Variants in CCDC71L observed in about 807,000 individuals in gnomAD.
The protein encoded by CCDC71L is coiled-coil domain containing 71 like.
CCDC71L carries 6 observed loss-of-function variants against 10.2 expected under a neutral mutation model. The ratio of observed to expected loss-of-function variants is 0.59; its 90% confidence interval spans 0.32 to 1.16. CCDC71L has a LOEUF of 1.16. CCDC71L is among the 50% of genes most tolerant of loss of function. CCDC71L has a pLI of 0.05. For synonymous variants in CCDC71L, 204 were observed against 175.5 expected (o/e 1.16, Z -1.28); for missense variants, 366 against 383.4 (o/e 0.95, Z 0.38).
chr7:106,660,084 G>C lies in CCDC71L; in HGVS notation c.*105C>G, dbSNP rs1157611298. On this transcript the variant is annotated 3_prime_UTR_variant, in exon 1 of 1. Coordinates refer to ENST00000523505, the MANE Select transcript of CCDC71L (RefSeq NM_175884.6). This position sits in a 1 kb window ranked among gnomAD's most constrained non-coding sequence, Gnocchi z 7.5. ...CGCGTAAAGTGCATTGGGGGCCGGG[G>C]TCCTGGCCGGATCTGTAAACACTCG... The C allele has an allele frequency of 2.2e-6, 3 of 1,340,576 alleles. No homozygotes were observed. In the African/African-American group the frequency reaches 4.6e-5, roughly 21 times the overall value. The allele number at this position is 1,340,576 out of a possible 1,614,324, so 83.0% of individuals were successfully genotyped here.
chr7:106,661,049 C>T lies in CCDC71L; in HGVS notation c.-153G>A, dbSNP rs1279661425. 5 of 1,146,670 alleles carry T rather than the reference C, an allele frequency of 4.4e-6. No individual in the cohort carries two copies. Among genetic ancestry groups the T allele is most frequent in the African/African-American group, 1.6e-5 (1 of 61,348 alleles). 71.0% of individuals were successfully genotyped at this position (1,146,670 alleles called of 1,614,324 possible). A position where few individuals can be genotyped will look rare whatever the true frequency, so the allele number is the denominator to read the frequency against. On this transcript the variant is annotated 5_prime_UTR_variant, in exon 1 of 1. Coordinates refer to ENST00000523505, the MANE Select transcript of CCDC71L (RefSeq NM_175884.6). Reference sequence around the variant, plus strand: ...CCCCTCCCCCTCCGAGGGCGGAGGACGCGGGCGAATATCCTGCTGCCCGGT... The same window carrying T: ...CCCCTCCCCCTCCGAGGGCGGAGGATGCGGGCGAATATCCTGCTGCCCGGT...
rs117129905 is a variant in CCDC71L, at chr7:106,656,247, T to A, written c.*3942A>T. Reference sequence around the variant, plus strand: ...TAGGAACTTAGGTACAAAGACAAATTCAGCCCACACAGTACTATCTATGAA... The same window carrying A: ...TAGGAACTTAGGTACAAAGACAAATACAGCCCACACAGTACTATCTATGAA... On this transcript the variant is annotated 3_prime_UTR_variant, in exon 1 of 1. Coordinates refer to ENST00000523505, the MANE Select transcript of CCDC71L (RefSeq NM_175884.6). Among the ~76,000 whole-genome samples, 105 of 152,266 alleles carry A rather than the reference T, an allele frequency of 6.9e-4. No homozygotes were observed. Among genetic ancestry groups the A allele is most frequent in the Non-Finnish European group, 1.2e-3 (83 of 68,006 alleles).
chr7:106,660,082 G>A lies in CCDC71L; in HGVS notation c.*107C>T. On this transcript the variant is annotated 3_prime_UTR_variant, in exon 1 of 1. Transcript: ENST00000523505. This position sits in a 1 kb window ranked among gnomAD's most constrained non-coding sequence, Gnocchi z 7.5. ...CGCGCGTAAAGTGCATTGGGGGCCGGGGTCCTGGCCGGATCTGTAAACACT... is the reference window on the plus strand; with the variant it reads ...CGCGCGTAAAGTGCATTGGGGGCCGAGGTCCTGGCCGGATCTGTAAACACT... 1.5e-6 allele frequency: 2 copies of A among 1,329,206 alleles called. No individual in the cohort carries two copies. Among genetic ancestry groups the A allele is most frequent in the Non-Finnish European group, 1.9e-6 (2 of 1,030,192 alleles). The allele number at this position is 1,329,206 out of a possible 1,614,324, so 82.3% of individuals were successfully genotyped here.
rs1262278342 is a variant in CCDC71L, at chr7:106,656,884, A to T, written c.*3305T>A. 6.6e-6 allele frequency: 1 copy of T among 152,210 alleles called. No individual in the cohort carries two copies. The allele number at this position is 152,210 out of a possible 1,614,324, so 9.4% of individuals were successfully genotyped here. ...GGGAAACACTTTGATTCCATTACAA[A>T]CAATTGTTTTCTAATGCGCTTAAGA... On this transcript the variant is annotated 3_prime_UTR_variant, in exon 1 of 1. Transcript: ENST00000523505.
chr7:106,658,860 A>C lies in CCDC71L; in HGVS notation c.*1329T>G, dbSNP rs1562907955. On this transcript the variant is annotated 3_prime_UTR_variant, in exon 1 of 1. Coordinates refer to ENST00000523505, the MANE Select transcript of CCDC71L (RefSeq NM_175884.6). Reference sequence around the variant, plus strand: ...GGTCTTCAGCTGTCAAAGACCTAGAACTGCAAACATATAATGAGTGGCAAA... The same window carrying C: ...GGTCTTCAGCTGTCAAAGACCTAGACCTGCAAACATATAATGAGTGGCAAA... 6.6e-6 allele frequency: 1 copy of C among 152,592 alleles called. No homozygotes were observed. The highest frequency in any genetic ancestry group is 2.4e-5 in the African/African-American group (1 of 41,422). The allele number at this position is 152,592 out of a possible 1,614,324, so 9.5% of individuals were successfully genotyped here. A position where few individuals can be genotyped will look rare whatever the true frequency, so the allele number is the denominator to read the frequency against.
Position 106,654,811 on chromosome 7 carries a change from C to T in CCDC71L, c.*5378G>A, listed in dbSNP as rs1792464589. The stretch of plus-strand genomic sequence containing the variant: ...TGTACTTTTTATACATTTGTTTTTG[C>T]TTCAATAATTTTTTTACTCTGTAAG... On this transcript the variant is annotated 3_prime_UTR_variant, in exon 1 of 1. Coordinates refer to ENST00000523505, the MANE Select transcript of CCDC71L (RefSeq NM_175884.6). Among the ~76,000 whole-genome samples, 1 of 151,536 alleles carries T rather than the reference C, an allele frequency of 6.6e-6. No homozygotes were observed. Among genetic ancestry groups the T allele is most frequent in the South Asian group, 2.1e-4 (1 of 4,804 alleles).
chr7:106,660,251 C>A lies in CCDC71L; in HGVS notation c.646G>T (p.Val216Phe), dbSNP rs765941322. The A allele has an allele frequency of 6.4e-7, 1 of 1,574,506 alleles. No homozygotes were observed. The stretch of plus-strand genomic sequence containing the variant: ...ATGGGTTCCAGGTTCACTCGCAGGA[C>A]CTGGCGCGCCCTGCGCCGCGCTGCC... ...LAAARRRARQ[V>F]LRVNLEPMVR... Residue 216 changes from valine (V) to phenylalanine (F), a missense_variant, in exon 1 of 1, where the codon GTC (valine) becomes TTC (phenylalanine). Coordinates refer to ENST00000523505, the MANE Select transcript of CCDC71L (RefSeq NM_175884.6). The surrounding 1 kb of genome is among the most constrained non-coding windows in gnomAD (Gnocchi z 7.5).
Position 106,656,901 on chromosome 7 carries a change from C to T in CCDC71L, c.*3288G>A, listed in dbSNP as rs1224782571. 2.0e-5 allele frequency: 3 copies of T among 152,124 alleles called. No individual in the cohort carries two copies. The highest frequency in any genetic ancestry group is 4.4e-5 in the Non-Finnish European group (3 of 68,018). The allele number at this position is 152,124 out of a possible 1,614,324, so 9.4% of individuals were successfully genotyped here. A position where few individuals can be genotyped will look rare whatever the true frequency, so the allele number is the denominator to read the frequency against. ...CATTACAAACAATTGTTTTCTAATG[C>T]GCTTAAGACATAACACTCTATCAAA... On this transcript the variant is annotated 3_prime_UTR_variant, in exon 1 of 1. Coordinates refer to ENST00000523505, the MANE Select transcript of CCDC71L (RefSeq NM_175884.6).
At position 106,660,923 on chromosome 7, in the gene CCDC71L, T is replaced by C; in HGVS notation, c.-27A>G. ...GAAGGCCGCTCCGGGCCACTCACGC[T>C]CGCCGGGTCCCACTACTGCCGCCGC... On this transcript the variant is annotated 5_prime_UTR_variant, in exon 1 of 1. Coordinates refer to ENST00000523505, the MANE Select transcript of CCDC71L (RefSeq NM_175884.6). The surrounding 1 kb of genome is among the most constrained non-coding windows in gnomAD (Gnocchi z 7.5). 2 of 1,337,358 alleles carry C rather than the reference T, an allele frequency of 1.5e-6. No individual in the cohort carries two copies. Among genetic ancestry groups the C allele is most frequent in the Non-Finnish European group, 1.9e-6 (2 of 1,046,762 alleles). 82.8% of individuals were successfully genotyped at this position (1,337,358 alleles called of 1,614,324 possible).
In CCDC71L at chr7:106,660,526, G is replaced by A. The variant is rs1339754893; in HGVS notation, c.371C>T (p.Pro124Leu). The stretch of plus-strand genomic sequence containing the variant: ...CCTCCTGGCCGCTGCGCGCGGAACC[G>A]GCCGGCGCGCCTGGCCGCGGGCTGT... ...PPTARGQARR[P>L]VPRAAARRRR... Residue 124 changes from proline (P) to leucine (L), a missense_variant, in exon 1 of 1, where the codon CCG becomes CTG. Physicochemically the swap from Pro to Leu is moderately conservative, Grantham distance 98. Transcript: ENST00000523505. This position sits in a 1 kb window ranked among gnomAD's most constrained non-coding sequence, Gnocchi z 7.5. 5.5e-6 allele frequency: 8 copies of A among 1,450,306 alleles called. No homozygotes were observed. Among genetic ancestry groups the A allele is most frequent in the Non-Finnish European group, 7.3e-6 (8 of 1,097,178 alleles). The allele number at this position is 1,450,306 out of a possible 1,614,324, so 89.8% of individuals were successfully genotyped here. A position where few individuals can be genotyped will look rare whatever the true frequency, so the allele number is the denominator to read the frequency against.
In CCDC71L at chr7:106,655,687, TAG is replaced by T. The variant is rs1026235368; in HGVS notation, c.*4500_*4501del. On this transcript the variant is annotated 3_prime_UTR_variant, in exon 1 of 1. Transcript: ENST00000523505. Reference sequence around the variant, plus strand: ...CATAACAGTACATTCAAATGTCTTATAGAGATATAACAAAAGAAGATGTGAAT... The same window carrying T: ...CATAACAGTACATTCAAATGTCTTATAGATATAACAAAAGAAGATGTGAAT... 2.0e-5 allele frequency among the ~76,000 whole-genome samples: 3 copies of T among 152,032 alleles called. No individual in the cohort carries two copies. Among genetic ancestry groups the T allele is most frequent in the African/African-American group, 7.3e-5 (3 of 41,304 alleles).
Position 106,659,022 on chromosome 7 carries a change from C to T in CCDC71L, c.*1167G>A, listed in dbSNP as rs1792539711. 1 of 152,046 alleles carries T rather than the reference C, an allele frequency of 6.6e-6. No homozygotes were observed. Among genetic ancestry groups the T allele is most frequent in the Non-Finnish European group, 1.5e-5 (1 of 68,006 alleles). The allele number at this position is 152,046 out of a possible 1,614,324, so 9.4% of individuals were successfully genotyped here. On this transcript the variant is annotated 3_prime_UTR_variant, in exon 1 of 1. Transcript: ENST00000523505. ...AAAACAAAAAGGAAATAGATTTCGC[C>T]CAAAGTAACCTTAACCAGTTATTTG...
In CCDC71L at chr7:106,659,354, C is replaced by T. The variant is rs1165750226; in HGVS notation, c.*835G>A. ...AATTTATTCATTTTTTTTAATCACA[C>T]ACCATATGGTTTCAATGCATTTTTT... On this transcript the variant is annotated 3_prime_UTR_variant, in exon 1 of 1. Coordinates refer to ENST00000523505, the MANE Select transcript of CCDC71L (RefSeq NM_175884.6). 5 of 152,490 alleles carry T rather than the reference C, an allele frequency of 3.3e-5. No individual in the cohort carries two copies. The highest frequency in any genetic ancestry group is 2.1e-4 in the South Asian group (1 of 4,836). 9.4% of individuals were successfully genotyped at this position (152,490 alleles called of 1,614,324 possible).
rs1440534319 is a variant in CCDC71L at position 106,657,185 on chromosome 7, C to T, written c.*3004G>A. On this transcript the variant is annotated 3_prime_UTR_variant, in exon 1 of 1. Coordinates refer to ENST00000523505, the MANE Select transcript of CCDC71L (RefSeq NM_175884.6). ...TTCAAACTTGAATAAAATAAACACA[C>T]ATCACAACAGCGACACTTTGCACTA... 1 of 152,156 alleles carries T rather than the reference C, an allele frequency of 6.6e-6. No individual in the cohort carries two copies. The highest frequency in any genetic ancestry group is 2.4e-5 in the African/African-American group (1 of 41,446). The allele number at this position is 152,156 out of a possible 1,614,324, so 9.4% of individuals were successfully genotyped here.
In CCDC71L at chr7:106,659,997, C is replaced by T. The variant is rs934481756; in HGVS notation, c.*192G>A. 49 of 767,384 alleles carry T rather than the reference C, an allele frequency of 6.4e-5. No individual in the cohort carries two copies. The highest frequency in any genetic ancestry group is 8.6e-5 in the Non-Finnish European group (45 of 521,404). The allele number at this position is 767,384 out of a possible 1,614,324, so 47.5% of individuals were successfully genotyped here. A position where few individuals can be genotyped will look rare whatever the true frequency, so the allele number is the denominator to read the frequency against. On this transcript the variant is annotated 3_prime_UTR_variant, in exon 1 of 1. Coordinates refer to ENST00000523505, the MANE Select transcript of CCDC71L (RefSeq NM_175884.6). Reference sequence around the variant, plus strand: ...GGAGGCAGCAGAGGGCACACCTGCCCCAGCGTCCAAGACGACCGCGCCGCG... The same window carrying T: ...GGAGGCAGCAGAGGGCACACCTGCCTCAGCGTCCAAGACGACCGCGCCGCG...
In CCDC71L at chr7:106,660,543, G is replaced by A. The variant is rs777559266; in HGVS notation, c.354C>T (p.Arg118=). The change falls in exon 1 of 1, where the codon CGC becomes CGT. Residue 118 remains arginine, a synonymous_variant. Transcript: ENST00000523505. The surrounding 1 kb of genome is among the most constrained non-coding windows in gnomAD (Gnocchi z 7.5). The part of the protein sequence containing the change: ...VPDPPGPPTA[R]GQARRPVPRA... ...GCGGAACCGGCCGGCGCGCCTGGCC[G>A]CGGGCTGTAGGGGGCCCCGGGGGGT... The A allele has an allele frequency of 2.0e-6, 3 of 1,481,102 alleles. No individual in the cohort carries two copies. The highest frequency in any genetic ancestry group is 2.9e-5 in the East Asian group (1 of 34,036). 91.7% of individuals were successfully genotyped at this position (1,481,102 alleles called of 1,614,324 possible).
chr7:106,660,420 C>G lies in CCDC71L; in HGVS notation c.477G>C (p.Glu159Asp). Residue 159 changes from glutamate (E) to aspartate (D), a missense_variant, in exon 1 of 1, where the codon GAG (glutamate) becomes GAC (aspartate). By Grantham distance (45) the Glu-to-Asp change is conservative. Coordinates refer to ENST00000523505, the MANE Select transcript of CCDC71L (RefSeq NM_175884.6). The surrounding 1 kb of genome is among the most constrained non-coding windows in gnomAD (Gnocchi z 7.5). ...PPPPPPPPPE[E>D]SCPAKPVAPG... Reference sequence around the variant, plus strand: ...GGGCCACGGGCTTGGCCGGGCAGCTCTCCTCGGGGGGCGGCGGCGGTGGGG... The same window carrying G: ...GGGCCACGGGCTTGGCCGGGCAGCTGTCCTCGGGGGGCGGCGGCGGTGGGG... The G allele has an allele frequency of 1.6e-6, 2 of 1,253,576 alleles. No homozygotes were observed. Among genetic ancestry groups the G allele is most frequent in the Non-Finnish European group, 2.0e-6 (2 of 1,000,368 alleles). 77.7% of individuals were successfully genotyped at this position (1,253,576 alleles called of 1,614,324 possible). A position where few individuals can be genotyped will look rare whatever the true frequency, so the allele number is the denominator to read the frequency against.
Position 106,660,050 on chromosome 7 carries a change from ACTT to A in CCDC71L, c.*136_*138del. The A allele has an allele frequency of 8.4e-7, 1 of 1,191,862 alleles. No homozygotes were observed. Among genetic ancestry groups the A allele is most frequent in the South Asian group, 1.8e-5 (1 of 55,314 alleles). The allele number at this position is 1,191,862 out of a possible 1,614,324, so 73.8% of individuals were successfully genotyped here. A position where few individuals can be genotyped will look rare whatever the true frequency, so the allele number is the denominator to read the frequency against. ...CCGGGACAGGGACAACCATCCGGCA[ACTT>A]CTTCGCGCGTAAAGTGCATTGGGGG... is the stretch of plus-strand genomic sequence containing the variant. On this transcript the variant is annotated 3_prime_UTR_variant, in exon 1 of 1. Transcript: ENST00000523505. The surrounding 1 kb of genome is among the most constrained non-coding windows in gnomAD (Gnocchi z 7.5).
rs1052237789 is a variant in CCDC71L, at chr7:106,660,970, CGCG to C, written c.-77_-75del. 17 of 1,295,256 alleles carry C rather than the reference CGCG, an allele frequency of 1.3e-5. No individual in the cohort carries two copies. The highest frequency in any genetic ancestry group is 8.4e-5 in the Admixed American group (2 of 23,680). 80.2% of individuals were successfully genotyped at this position (1,295,256 alleles called of 1,614,324 possible). On this transcript the variant is annotated 5_prime_UTR_variant, in exon 1 of 1. Transcript: ENST00000523505. This position sits in a 1 kb window ranked among gnomAD's most constrained non-coding sequence, Gnocchi z 7.5. ...CCGCCGTCCCAGTCCGCGTTGGCTC[CGCG>C]GCGGCGGCTGCTGCTGGCGTCTCTC...
Sources: allele counts gnomAD v4.1 joint callset (sites outside exome capture counted in the v4.1 genomes callset), GRCh38; gene constraint gnomAD v4.1.1; non-coding constraint Gnocchi (gnomAD v3.1); transcripts MANE v1.5; gene names NCBI Gene and HGNC (gene_info 2026-07-23, HGNC 2026-07-21).